The following BTRC variants were observed in gnomAD, a reference collection of about 807,000 sequenced individuals.
The protein encoded by BTRC is beta-transducin repeat containing E3 ubiquitin protein ligase.
Under a neutral mutation model 85.5 loss-of-function variants are expected in BTRC, and 42 were observed. That is an observed-to-expected ratio of 0.49 (90% confidence interval 0.38 to 0.64). BTRC has a LOEUF of 0.64. Among genes scored for constraint, BTRC ranks in the 30% least tolerant of loss-of-function variants. BTRC has a pLI of 0.00. For synonymous variants in BTRC, 255 were observed against 263.3 expected, an observed-to-expected ratio of 0.97 and a Z score of 0.30; for missense variants, 594 against 743.5, an observed-to-expected ratio of 0.80 and a Z score of 2.34.
chr10:101,395,926 A>G (rs117425258), intron 1 of BTRC, among the ~76,000 whole-genome samples: 2,946 of 152,138 alleles, frequency 0.019, 33 homozygotes, highest in Non-Finnish European at 0.03. Context: ...TAAGCGACAA[A>G]TATGTATATA....
At chr10:101,400,303 CTCTT>C (rs879361527) in intron 1 of BTRC, among the ~76,000 whole-genome samples, 1 of 152,172 alleles carries the variant, frequency 6.6e-6, no homozygotes, top group Non-Finnish European at 1.5e-5. Flanking sequence ...GGCATCTATT[CTCTT>C]TCTTAATGAG....
chr10:101,387,314 T>A (rs1413069257), intron 1 of BTRC, among the ~76,000 whole-genome samples: 2 of 151,676 alleles, frequency 1.3e-5, no homozygotes, highest in Non-Finnish European at 2.9e-5. Context: ...TCATTTATTT[T>A]TTTTTGTATT....
chr10:101,426,043 A>G (rs1944243045), intron 1 of BTRC, among the ~76,000 whole-genome samples: 1 of 152,180 alleles, frequency 6.6e-6, no homozygotes, highest in Admixed American at 6.5e-5. Flanking sequence ...CCTGAAATGT[A>G]TAGACTTAAT....
intron 3 of BTRC, among the ~76,000 whole-genome samples, chr10:101,473,560 TC>T (rs1197176750): frequency 1.4e-5 from 2 of 144,654 alleles, no homozygotes; most frequent in Non-Finnish European, 3.0e-5. Flanking sequence ...AACCTCCGTC[TC>T]CCGGGTTCAA....
At chr10:101,379,854 A>G (rs1487336605) in intron 1 of BTRC, among the ~76,000 whole-genome samples, 5 of 152,346 alleles carry the variant, frequency 3.3e-5, no homozygotes, top group East Asian at 1.9e-4. Context: ...ATTCACATTT[A>G]ACAAAATGAT....
intron 1 of BTRC, among the ~76,000 whole-genome samples, chr10:101,356,631 G>A (rs544846543): frequency 1.3e-5 from 2 of 152,242 alleles, no homozygotes; most frequent in East Asian, 3.9e-4. Context: ...GACCTTGCCT[G>A]CTGTTTTGGC....
In BTRC at chr10:101,480,314, A is replaced by G. The variant is rs1050653692; in HGVS notation, c.324+857A>G. Reference sequence around the variant, plus strand: ...TTAGGACTGGTGTCATGTCATTGCTATCTTTGCTACAAAAATCTAATGACA... The same window carrying G: ...TTAGGACTGGTGTCATGTCATTGCTGTCTTTGCTACAAAAATCTAATGACA... On this transcript the variant is annotated intron_variant, in intron 4 of 14. Coordinates refer to ENST00000370187, the MANE Select transcript of BTRC (RefSeq NM_033637.4). Among the ~76,000 whole-genome samples the G allele has an allele frequency of 3.9e-5, 6 of 152,192 alleles. No individual in the cohort carries two copies. In the East Asian group the frequency reaches 7.7e-4, roughly 20 times the overall value.
intron 2 of BTRC, among the ~76,000 whole-genome samples, chr10:101,451,214 T>A (rs1188002771): frequency 1.3e-5 from 2 of 152,178 alleles, no homozygotes; most frequent in Non-Finnish European, 2.9e-5. Flanking sequence ...AAAATTCGTA[T>A]AATCAGGTTG....
At chr10:101,389,805 T>G (rs1285494822) in intron 1 of BTRC, among the ~76,000 whole-genome samples, 1 of 151,728 alleles carries the variant, frequency 6.6e-6, no homozygotes, top group Admixed American at 6.6e-5. Context: ...TTAAATTTTT[T>G]GTACAGACAG....
At chr10:101,441,380 G>C (rs1399923231) in intron 2 of BTRC, among the ~76,000 whole-genome samples, 1 of 152,148 alleles carries the variant, frequency 6.6e-6, no homozygotes, top group Non-Finnish European at 1.5e-5. Context: ...TGCCTCATGA[G>C]CAAACATCAG....
chr10:101,506,097 A>G (rs780528049), intron 4 of BTRC, among the ~76,000 whole-genome samples: 1 of 152,108 alleles, frequency 6.6e-6, no homozygotes, highest in Non-Finnish European at 1.5e-5. Context: ...TATTTTTAGT[A>G]GAGACGGGGT....
chr10:101,533,141 A>G, intron 9 of BTRC, 71 bp downstream of exon 9: 2 of 1,104,318 alleles, frequency 1.8e-6, no homozygotes, highest in East Asian at 2.4e-5. Context: ...ATAGATAGTA[A>G]TTTTGTATAT....
intron 4 of BTRC, among the ~76,000 whole-genome samples, chr10:101,485,859 A>T (rs1945970810): frequency 6.6e-6 from 1 of 152,152 alleles, no homozygotes. Flanking sequence ...GGAAAGAGGG[A>T]TGAAAGAAGA....
intron 2 of BTRC, among the ~76,000 whole-genome samples, chr10:101,452,797 G>T (rs1350497970): frequency 6.6e-6 from 1 of 152,128 alleles, no homozygotes; most frequent in Non-Finnish European, 1.5e-5. Context: ...ATGTGGTTGT[G>T]GTTTAATAGA....
At chr10:101,364,145 CT>C (rs1327550984) in intron 1 of BTRC, among the ~76,000 whole-genome samples, 4 of 151,972 alleles carry the variant, frequency 2.6e-5, no homozygotes, top group African/African-American at 9.7e-5. Context: ...ATTATGACAA[CT>C]ATTGTGCTTT....
chr10:101,440,343 G>C (rs908158014), intron 2 of BTRC, among the ~76,000 whole-genome samples: 2 of 146,872 alleles, frequency 1.4e-5, no homozygotes, highest in Non-Finnish European at 2.9e-5. Context: ...CCCTTTTGGG[G>C]CATTGAATTT....
chr10:101,410,356 C>T (rs778523057), intron 1 of BTRC, among the ~76,000 whole-genome samples: 10 of 152,126 alleles, frequency 6.6e-5, no homozygotes, highest in Non-Finnish European at 1.5e-4. Context: ...GTGGCTCACA[C>T]CTGTAATTCC....
At chr10:101,521,963 G>C in intron 5 of BTRC, 93 bp downstream of exon 5, 1 of 759,740 alleles carries the variant, frequency 1.3e-6, no homozygotes, top group Non-Finnish European at 1.8e-6. Context: ...AGTCTTTATT[G>C]GCTTGATTTT....
chr10:101,500,274 T>C (rs1946369411), intron 4 of BTRC, among the ~76,000 whole-genome samples: 1 of 152,142 alleles, frequency 6.6e-6, no homozygotes, highest in African/African-American at 2.4e-5. Flanking sequence ...GTCAGCATAC[T>C]GAATACTGTA....
Sources: allele counts gnomAD v4.1 joint callset (sites outside exome capture counted in the v4.1 genomes callset), GRCh38; gene constraint gnomAD v4.1.1; transcripts MANE v1.5; gene names NCBI Gene and HGNC (gene_info 2026-07-23, HGNC 2026-07-21).